The following IGF2BP3 variants were observed in gnomAD, a reference collection of about 807,000 sequenced individuals.
IGF2BP3 encodes insulin-like growth factor 2 mRNA-binding protein 3.
IGF2BP3 carries 9 observed loss-of-function variants against 73.8 expected under a neutral mutation model. That is an observed-to-expected ratio of 0.12 (90% CI 0.07 to 0.21). IGF2BP3 has a LOEUF of 0.21. Among genes scored for constraint, IGF2BP3 ranks in the 10% least tolerant of loss-of-function variants. The probability of loss-of-function intolerance (pLI) is 1.00; values close to 1 mark genes in which losing one functional copy is unlikely to be tolerated. For synonymous variants in IGF2BP3, 258 were observed against 256.7 expected, an observed-to-expected ratio of 1.01 and a Z score of -0.05; for missense variants, 542 against 714.0, an observed-to-expected ratio of 0.76 and a Z score of 2.75.
intron 2 of IGF2BP3, among the ~76,000 whole-genome samples, chr7:23,421,049 G>C (rs1300604463): frequency 6.6e-6 from 1 of 152,006 alleles, no homozygotes; most frequent in Non-Finnish European, 1.5e-5. Flanking sequence ...TCGCTCTGTC[G>C]CCTATGCTGG....
chr7:23,331,389 T>C (rs1014994032), intron 10 of IGF2BP3, among the ~76,000 whole-genome samples: 1 of 152,184 alleles, frequency 6.6e-6, no homozygotes, highest in Non-Finnish European at 1.5e-5. Flanking sequence ...AAAATCTTTA[T>C]AAAGCACCTT....
At chr7:23,444,139 G>C (rs568987294) in intron 2 of IGF2BP3, among the ~76,000 whole-genome samples, 1 of 152,264 alleles carries the variant, frequency 6.6e-6, no homozygotes, top group East Asian at 1.9e-4. Flanking sequence ...AGAGGTTTGG[G>C]GGTTTTGTTC....
chr7:23,367,553 C>A (rs570601922), intron 3 of IGF2BP3, among the ~76,000 whole-genome samples: 1 of 151,972 alleles, frequency 6.6e-6, no homozygotes, highest in African/African-American at 2.4e-5. Flanking sequence ...GGAAACATTT[C>A]TCTATGCTTA....
chr7:23,325,483 A>C (rs1360208224), intron 10 of IGF2BP3, among the ~76,000 whole-genome samples: 7 of 152,292 alleles, frequency 4.6e-5, no homozygotes, highest in African/African-American at 1.7e-4. Context: ...ATATCGTGAA[A>C]ATGGCCATAG....
At chr7:23,375,977 T>C (rs1045555175) in intron 3 of IGF2BP3, among the ~76,000 whole-genome samples, 5 of 152,352 alleles carry the variant, frequency 3.3e-5, no homozygotes, top group Non-Finnish European at 7.3e-5. Context: ...TACCGACTTA[T>C]GCTATAGAAT....
At chr7:23,328,205 T>G (rs1385388553) in intron 10 of IGF2BP3, among the ~76,000 whole-genome samples, 1 of 152,116 alleles carries the variant, frequency 6.6e-6, no homozygotes, top group Non-Finnish European at 1.5e-5. Context: ...TTCAGTTAAT[T>G]GTTTCCTTTT....
At chr7:23,359,355 T>C (rs1404561455) in intron 5 of IGF2BP3, among the ~76,000 whole-genome samples, 2 of 152,366 alleles carry the variant, frequency 1.3e-5, no homozygotes, top group African/African-American at 4.8e-5. Context: ...ACATAGCTTA[T>C]GTCTCCAACT....
chr7:23,363,454 C>T (rs898699453), intron 3 of IGF2BP3, among the ~76,000 whole-genome samples: 5 of 152,098 alleles, frequency 3.3e-5, no homozygotes, highest in African/African-American at 1.2e-4. Context: ...GGTATGTTGC[C>T]CAGGCTGGTC....
In IGF2BP3 at chr7:23,327,786, C is replaced by T. The variant is rs191161959; in HGVS notation, c.1204-8532G>A. On this transcript the variant is annotated intron_variant, in intron 10 of 14. Coordinates refer to ENST00000258729, the MANE Select transcript of IGF2BP3 (RefSeq NM_006547.3). Reference sequence around the variant, plus strand: ...GGACTACCAAATGACATCACTCTTCCCACATGGAGATCACTAGTGGCACTA... The same window carrying T: ...GGACTACCAAATGACATCACTCTTCTCACATGGAGATCACTAGTGGCACTA... Among the ~76,000 whole-genome samples the T allele has an allele frequency of 5.3e-5, 8 of 152,228 alleles. No homozygotes were observed. In the East Asian group the frequency reaches 1.5e-3, roughly 29 times the overall value.
At chr7:23,466,024 GTTTT>G (rs71552233) in intron 2 of IGF2BP3, among the ~76,000 whole-genome samples, 5 of 142,528 alleles carry the variant, frequency 3.5e-5, no homozygotes, top group Non-Finnish European at 7.7e-5. Flanking sequence ...GAGAAAAAAG[GTTTT>G]TTTTTTTTTT....
intron 2 of IGF2BP3, among the ~76,000 whole-genome samples, chr7:23,439,897 T>G (rs923185278): frequency 1.3e-5 from 2 of 152,204 alleles, no homozygotes; most frequent in African/African-American, 4.8e-5. Flanking sequence ...CCCTCGGGCT[T>G]TCTCTGTAAC....
intron 10 of IGF2BP3, among the ~76,000 whole-genome samples, chr7:23,339,430 G>C (rs997105437): frequency 1.3e-5 from 2 of 152,100 alleles, no homozygotes; most frequent in Admixed American, 6.6e-5. Context: ...TATACCATAA[G>C]TCAGAAAAAT....
intron 10 of IGF2BP3, among the ~76,000 whole-genome samples, chr7:23,334,872 A>G (rs1039767408): frequency 1.3e-5 from 2 of 152,184 alleles, no homozygotes; most frequent in South Asian, 4.1e-4. Context: ...AATCTAAGAC[A>G]TCACAAAGGC....
At chr7:23,395,387 C>T (rs1175389925) in intron 3 of IGF2BP3, among the ~76,000 whole-genome samples, 1 of 151,880 alleles carries the variant, frequency 6.6e-6, no homozygotes, top group Non-Finnish European at 1.5e-5. Context: ...TTTGCCACCA[C>T]CAAAAAATAA....
chr7:23,409,897 G>C (rs1039358465), intron 3 of IGF2BP3, among the ~76,000 whole-genome samples: 1 of 152,172 alleles, frequency 6.6e-6, no homozygotes, highest in Non-Finnish European at 1.5e-5. Flanking sequence ...GGCCAGGTGC[G>C]ATGGCTCAAG....
intron 3 of IGF2BP3, among the ~76,000 whole-genome samples, chr7:23,409,821 A>G (rs918986376): frequency 3.3e-5 from 5 of 152,232 alleles, no homozygotes; most frequent in Non-Finnish European, 7.3e-5. Context: ...GACACCAAAA[A>G]TACTATTCAT....
chr7:23,428,403 C>T (rs778208504), intron 2 of IGF2BP3, among the ~76,000 whole-genome samples: 3 of 151,580 alleles, frequency 2.0e-5, no homozygotes, highest in Admixed American at 1.3e-4. Context: ...ACTCGGGAGG[C>T]GGAGGTTGTA....
At chr7:23,406,386 G>A (rs111806010) in intron 3 of IGF2BP3, among the ~76,000 whole-genome samples, 279 of 152,178 alleles carry the variant, frequency 1.8e-3, no homozygotes, top group African/African-American at 6.0e-3. Flanking sequence ...GTGGGTTCTC[G>A]GTCTCGCTGA....
At chr7:23,419,667 C>A (rs932342273) in intron 2 of IGF2BP3, among the ~76,000 whole-genome samples, 4 of 152,172 alleles carry the variant, frequency 2.6e-5, no homozygotes, top group Non-Finnish European at 5.9e-5. Context: ...GACTGGCCAA[C>A]ATGGTGAAAC....
Sources: allele counts gnomAD v4.1 joint callset (sites outside exome capture counted in the v4.1 genomes callset), GRCh38; gene constraint gnomAD v4.1.1; transcripts MANE v1.5; gene names NCBI Gene and HGNC (gene_info 2026-07-23, HGNC 2026-07-21).